Variants in BLTP3B observed in about 807,000 individuals in gnomAD.
The protein encoded by BLTP3B is bridge-like lipid transfer protein family member 3B.
the BLTP3B span, among the ~76,000 whole-genome samples, chr12:100,064,770 C>T: frequency 4.0e-5 from 6 of 151,578 alleles, no homozygotes; most frequent in African/African-American, 1.5e-4. Flanking sequence ...GCCACCACTA[C>T]GAGAACTGCT....
the BLTP3B span, chr12:100,084,740 T>C: frequency 2.2e-6 from 3 of 1,388,338 alleles, no homozygotes; most frequent in Non-Finnish European, 2.9e-6. Context: ...CAATGAGATT[T>C]AGTCGTTTAT....
the BLTP3B span, among the ~76,000 whole-genome samples, chr12:100,124,483 G>A: frequency 1.3e-5 from 2 of 149,872 alleles, no homozygotes; most frequent in Admixed American, 6.7e-5. Context: ...GGTGGCTCAC[G>A]CCTGTGATCC....
chr12:100,109,895 G>A, the BLTP3B span, among the ~76,000 whole-genome samples: 1 of 151,944 alleles, frequency 6.6e-6, no homozygotes, highest in Non-Finnish European at 1.5e-5. Flanking sequence ...AACCTATTAG[G>A]GTCTATACTA....
chr12:100,063,672 C>T, the BLTP3B span, among the ~76,000 whole-genome samples: 1 of 148,304 alleles, frequency 6.7e-6, no homozygotes, highest in Non-Finnish European at 1.5e-5. Flanking sequence ...TGCCATTGCA[C>T]TCCAGCCTGG....
chr12:100,118,761 A>G, the BLTP3B span, among the ~76,000 whole-genome samples: 2 of 152,220 alleles, frequency 1.3e-5, no homozygotes, highest in Non-Finnish European at 2.9e-5. Context: ...CTGATTATGG[A>G]AAGTTTATTC....
chr12:100,062,441 G>A, the BLTP3B span, among the ~76,000 whole-genome samples: 1 of 152,264 alleles, frequency 6.6e-6, no homozygotes, highest in South Asian at 2.1e-4. Context: ...CTACATGAGG[G>A]TGCAACATAC....
At chr12:100,124,907 G>C in the BLTP3B span, among the ~76,000 whole-genome samples, 1 of 131,194 alleles carries the variant, frequency 7.6e-6, no homozygotes, top group Non-Finnish European at 1.6e-5. Flanking sequence ...GGGTGACAGA[G>C]TGAGACCCTG....
At chr12:100,042,154 G>T in the BLTP3B span, among the ~76,000 whole-genome samples, 1 of 152,182 alleles carries the variant, frequency 6.6e-6, no homozygotes, top group Admixed American at 6.5e-5. Context: ...TGGATTGGAA[G>T]ATTTAATGGA....
chr12:100,137,954 A>G, the BLTP3B span, among the ~76,000 whole-genome samples: 1 of 152,186 alleles, frequency 6.6e-6, no homozygotes, highest in Non-Finnish European at 1.5e-5. Context: ...TGGGTCACAA[A>G]GGCTTTCTCT....
the BLTP3B span, chr12:100,072,560 T>C: frequency 1.0e-6 from 1 of 959,620 alleles, no homozygotes; most frequent in Middle Eastern, 3.5e-4. Flanking sequence ...TAATAATAAA[T>C]AAGGAACAAT....
At chr12:100,133,796 T>C in the BLTP3B span, among the ~76,000 whole-genome samples, 1 of 152,234 alleles carries the variant, frequency 6.6e-6, no homozygotes, top group Admixed American at 6.5e-5. Context: ...ACACCTGCTA[T>C]ATACAGTAGT....
At chr12:100,109,629 G>T in the BLTP3B span, among the ~76,000 whole-genome samples, 1 of 152,146 alleles carries the variant, frequency 6.6e-6, no homozygotes, top group Non-Finnish European at 1.5e-5. Context: ...AGCTGGGCAT[G>T]TTGGCGCATG....
At chr12:100,130,734 G>A in the BLTP3B span, among the ~76,000 whole-genome samples, 8 of 151,966 alleles carry the variant, frequency 5.3e-5, no homozygotes, top group Admixed American at 2.6e-4. Flanking sequence ...TGGTCAAAAT[G>A]GTGAAACCCT....
At chr12:100,142,277 C>T in the BLTP3B span, among the ~76,000 whole-genome samples, 960 of 152,352 alleles carry the variant, frequency 6.3e-3, 10 homozygotes, top group African/African-American at 0.022. Flanking sequence ...CCGCTCAGTA[C>T]CGCACAGAGC....
At chr12:100,059,121 A>C in the BLTP3B span, 2 of 1,614,168 alleles carry the variant, frequency 1.2e-6, no homozygotes, top group East Asian at 4.5e-5. Context: ...GAATGAGTCT[A>C]CAAAACTTAT....
chr12:100,051,707 G>A, the BLTP3B span: 1 of 152,418 alleles, frequency 6.6e-6, no homozygotes, highest in South Asian at 2.1e-4. Flanking sequence ...TTCATAAGGG[G>A]TTCCTAACAT....
the BLTP3B span, among the ~76,000 whole-genome samples, chr12:100,041,715 G>T: frequency 9.2e-5 from 14 of 152,158 alleles, no homozygotes; most frequent in African/African-American, 3.4e-4. Context: ...GATTACAGGC[G>T]TGAGCCACCG....
chr12:100,140,732 ATATATATAT>A, the BLTP3B span, among the ~76,000 whole-genome samples: 1 of 85,500 alleles, frequency 1.2e-5, no homozygotes, highest in African/African-American at 4.7e-5. Context: ...AAAAAAAAAT[ATATATATAT>A]ATATATATAT....
At chr12:100,124,422 A>G in the BLTP3B span, among the ~76,000 whole-genome samples, 1 of 151,674 alleles carries the variant, frequency 6.6e-6, no homozygotes, top group African/African-American at 2.4e-5. Context: ...TGGGCAACAC[A>G]GAGATCCTGT....
Sources: allele counts gnomAD v4.1 joint callset (sites outside exome capture counted in the v4.1 genomes callset), GRCh38; gene constraint gnomAD v4.1.1; transcripts MANE v1.5; gene names NCBI Gene and HGNC (gene_info 2026-07-23, HGNC 2026-07-21).